Variants in OTOP1 observed in about 807,000 individuals in gnomAD.
OTOP1 encodes otopetrin 1.
Under a neutral mutation model 52.9 loss-of-function variants are expected in OTOP1, and 59 were observed. The observed-to-expected ratio is 1.12, with a 90% CI of 0.91 to 1.39. OTOP1 has a LOEUF of 1.39. OTOP1 is among the 40% of genes most tolerant of loss of function. The pLI, the probability that OTOP1 is intolerant of heterozygous loss-of-function variation, is 0.00. For missense variants in OTOP1, 761 were observed against 800.9 expected (o/e 0.95, Z 0.60); for synonymous variants, 317 against 337.7 (o/e 0.94, Z 0.67).
intron 4 of OTOP1, among the ~76,000 whole-genome samples, chr4:4,201,511 C>CACACACACACAT (rs1473558036): frequency 1.4e-5 from 2 of 147,254 alleles, no homozygotes; most frequent in African/African-American, 4.9e-5. Flanking sequence ...TACACACACA[C>CACACACACACAT]ATATATAGCC....
At chr4:4,207,920 T>C (rs944233972) in intron 2 of OTOP1, among the ~76,000 whole-genome samples, 1 of 152,332 alleles carries the variant, frequency 6.6e-6, no homozygotes, top group East Asian at 1.9e-4. Flanking sequence ...GAAATTTTTT[T>C]ATAAAGGTAT....
At chr4:4,221,996 C>G (rs956960470) in intron 1 of OTOP1, among the ~76,000 whole-genome samples, 13 of 152,132 alleles carry the variant, frequency 8.5e-5, no homozygotes, top group Non-Finnish European at 1.8e-4. Flanking sequence ...CCTGGAGCTT[C>G]TATCTTCACT....
intron 3 of OTOP1, among the ~76,000 whole-genome samples, chr4:4,204,730 G>GA (rs1716859212): frequency 5.5e-5 from 1 of 18,328 alleles, no homozygotes; most frequent in African/African-American, 3.4e-4. Context: ...GTGTGTGTGT[G>GA]TGTGTGTGTG....
intron 3 of OTOP1, among the ~76,000 whole-genome samples, chr4:4,204,712 CTGTGTGTGTGTGTGTG>C (rs10526016): frequency 0.012 from 1,821 of 149,954 alleles, 28 homozygotes; most frequent in East Asian, 0.034. Flanking sequence ...TTTCCTTCAT[CTGTGTGTGTGTGTGTG>C]TGTGTGTGTG....
At chr4:4,223,575 GAGCAGA>G (rs1394315376) in intron 1 of OTOP1, among the ~76,000 whole-genome samples, 19 of 150,832 alleles carry the variant, frequency 1.3e-4, no homozygotes, top group African/African-American at 1.7e-4. Flanking sequence ...GAAGAAGGAG[GAGCAGA>G]AGGAGAAGGA....
At chr4:4,223,960 G>A (rs909179420) in intron 1 of OTOP1, among the ~76,000 whole-genome samples, 48 of 151,372 alleles carry the variant, frequency 3.2e-4, no homozygotes, top group African/African-American at 1.2e-3. Context: ...AGAGGAGAGA[G>A]AGAGGGAAGA....
chr4:4,189,846 G>T (rs1177963771), intron 5 of OTOP1, among the ~76,000 whole-genome samples: 1 of 152,178 alleles, frequency 6.6e-6, no homozygotes, highest in Non-Finnish European at 1.5e-5. Context: ...ACAGTCACAT[G>T]AGTAGATTTG....
chr4:4,215,518 G>A (rs1322054061), intron 1 of OTOP1, among the ~76,000 whole-genome samples: 2 of 152,046 alleles, frequency 1.3e-5, no homozygotes, highest in East Asian at 1.9e-4. Flanking sequence ...CAAAATTAGC[G>A]GGTGTGGTGG....
At chr4:4,220,141 C>T (rs1413796191) in intron 1 of OTOP1, among the ~76,000 whole-genome samples, 26 of 124,206 alleles carry the variant, frequency 2.1e-4, no homozygotes, top group Admixed American at 6.5e-4. Context: ...TCACTCTTGT[C>T]GGCCAGGCTG....
intron 5 of OTOP1, among the ~76,000 whole-genome samples, chr4:4,190,581 A>C (rs1253822420): frequency 1.3e-5 from 2 of 152,280 alleles, no homozygotes; most frequent in Non-Finnish European, 2.9e-5. Context: ...CAGTATAACA[A>C]CTATTTACAT....
chr4:4,216,491 A>G (rs1242326907), intron 1 of OTOP1, among the ~76,000 whole-genome samples: 3 of 152,196 alleles, frequency 2.0e-5, no homozygotes, highest in Non-Finnish European at 4.4e-5. Flanking sequence ...GGCATGAGCC[A>G]TAACATTGGG....
intron 3 of OTOP1, among the ~76,000 whole-genome samples, chr4:4,204,549 C>T (rs145800974): frequency 6.6e-6 from 1 of 152,274 alleles, no homozygotes; most frequent in Non-Finnish European, 1.5e-5. Flanking sequence ...TGCAAGCTGG[C>T]AGCCTCCTGT....
intron 1 of OTOP1, among the ~76,000 whole-genome samples, chr4:4,225,867 C>A (rs1054468092): frequency 6.6e-6 from 1 of 152,156 alleles, no homozygotes; most frequent in Non-Finnish European, 1.5e-5. Context: ...GTGGTCAGAC[C>A]TGCAAAGCCG....
At chr4:4,215,574 C>A (rs183059654) in intron 1 of OTOP1, among the ~76,000 whole-genome samples, 271 of 152,100 alleles carry the variant, frequency 1.8e-3, no homozygotes, top group African/African-American at 6.4e-3. Flanking sequence ...GCAGGAGAAT[C>A]ACTTGAACCC....
At chr4:4,220,275 T>C (rs1429984952) in intron 1 of OTOP1, among the ~76,000 whole-genome samples, 3 of 151,426 alleles carry the variant, frequency 2.0e-5, no homozygotes, top group Non-Finnish European at 2.9e-5. Context: ...AACGGAAAAT[T>C]TCAGAACTAG....
At chr4:4,212,240 C>A (rs1400556755) in intron 2 of OTOP1, among the ~76,000 whole-genome samples, 2 of 152,128 alleles carry the variant, frequency 1.3e-5, no homozygotes, top group Non-Finnish European at 2.9e-5. Context: ...ATTTTTCTGA[C>A]CCTAAGCTGT....
chr4:4,221,058 T>C (rs981862382), intron 1 of OTOP1, among the ~76,000 whole-genome samples: 17 of 122,742 alleles, frequency 1.4e-4, no homozygotes, highest in Middle Eastern at 4.2e-3. Flanking sequence ...TTATTTTATT[T>C]TATTTTATTT....
chr4:4,192,316 C>A (rs910827126), intron 5 of OTOP1, among the ~76,000 whole-genome samples: 3 of 152,102 alleles, frequency 2.0e-5, no homozygotes, highest in African/African-American at 7.2e-5. Context: ...ACCCAAGGCA[C>A]CAGACCACGG....
chr4:4,189,625 A>T (rs959270185), intron 5 of OTOP1, among the ~76,000 whole-genome samples: 2 of 152,222 alleles, frequency 1.3e-5, no homozygotes, highest in Non-Finnish European at 2.9e-5. Flanking sequence ...TCCAACTCAC[A>T]AAATTTGGCA....
Sources: gnomAD v4.1 joint callset for allele counts (sites outside exome capture counted in the v4.1 genomes callset) on GRCh38, gnomAD v4.1.1 for gene constraint, MANE v1.5 for transcripts, NCBI Gene and HGNC (gene_info 2026-07-23, HGNC 2026-07-21) for gene names.